The following CR1L variants were observed in gnomAD, a reference collection of about 807,000 sequenced individuals.
The protein encoded by CR1L is complement component receptor 1-like protein.
CR1L carries 59 observed loss-of-function variants against 62.3 expected under a neutral mutation model. That is an observed-to-expected ratio of 0.95 (90% CI 0.77 to 1.18). CR1L has a LOEUF of 1.18. CR1L is among the 50% of genes most tolerant of loss of function. The pLI is 0.00. For synonymous variants in CR1L, 279 were observed against 248.7 expected (o/e 1.12, Z -1.15); for missense variants, 700 against 702.8 (o/e 1.00, Z 0.04).
intron 8 of CR1L, among the ~76,000 whole-genome samples, chr1:207,699,728 G>A (rs557283047): frequency 6.6e-6 from 1 of 152,036 alleles, no homozygotes; most frequent in Non-Finnish European, 1.5e-5. Context: ...TATCAAACAT[G>A]CCTTTATTTA....
intron 11 of CR1L, among the ~76,000 whole-genome samples, chr1:207,723,095 T>C (rs1226268882): frequency 2.0e-5 from 3 of 152,218 alleles, no homozygotes; most frequent in Non-Finnish European, 4.4e-5. Flanking sequence ...TTCTGTATTA[T>C]AAGTTTTCTT....
intron 9 of CR1L, 83 bp downstream of exon 9, chr1:207,701,701 G>A (rs1305286745): frequency 6.4e-7 from 1 of 1,570,650 alleles, no homozygotes; most frequent in Admixed American, 1.7e-5. Context: ...AAGGAAACTA[G>A]GCTGTTGCCA....
chr1:207,717,199 T>A (rs1654018252), intron 10 of CR1L, among the ~76,000 whole-genome samples: 1 of 152,084 alleles, frequency 6.6e-6, no homozygotes, highest in Non-Finnish European at 1.5e-5. Flanking sequence ...TTAAAAAAAA[T>A]TACTTTCCAA....
In CR1L at chr1:207,669,500, T is replaced by C; in HGVS notation, c.98-7889T>C. 5 of 1,582,596 alleles carry C rather than the reference T, an allele frequency of 3.2e-6. No homozygotes were observed. In the South Asian group the frequency reaches 5.6e-5, roughly 18 times the overall value. On this transcript the variant is annotated intron_variant, in intron 1 of 11. Coordinates refer to ENST00000508064, the MANE Select transcript of CR1L (RefSeq NM_175710.2). ...CCTGTTGGGCAGCCGGCGCCCGGTC[T>C]CCCCTTCTGCTGCGGAGGATCCCTG...
chr1:207,662,015 G>T (rs181119662), intron 1 of CR1L, among the ~76,000 whole-genome samples: 1 of 152,192 alleles, frequency 6.6e-6, no homozygotes, highest in African/African-American at 2.4e-5. Context: ...TGAGAGATCC[G>T]CTGTTAGTCT....
intron 1 of CR1L, chr1:207,669,506 T>C: frequency 1.3e-6 from 2 of 1,582,666 alleles, no homozygotes; most frequent in South Asian, 2.2e-5. Flanking sequence ...GGTCTCCCCT[T>C]CTGCTGCGGA....
At chr1:207,710,585 C>T (rs1664340134) in intron 10 of CR1L, 1 of 1,610,192 alleles carries the variant, frequency 6.2e-7, no homozygotes, top group Admixed American at 1.7e-5. Context: ...CCCAGTCCCT[C>T]AGTGCATTAT....
intron 3 of CR1L, among the ~76,000 whole-genome samples, chr1:207,682,992 T>TTTCTTTCTTTCTTTCTTTCTTTCTTTC (rs1558017874): frequency 1.2e-5 from 1 of 84,836 alleles, no homozygotes; most frequent in African/African-American, 5.8e-5. Flanking sequence ...TTCTTTCTTT[T>TTTCTTTCTTTCTTTCTTTCTTTCTTTC]TTTCTTTCTT....
chr1:207,699,289 T>C lies in CR1L; in HGVS notation c.1228+15T>C, dbSNP rs765672897. The C allele has an allele frequency of 1.9e-6, 3 of 1,613,448 alleles. No homozygotes were observed. The highest frequency in any genetic ancestry group is 2.5e-6 in the Non-Finnish European group (3 of 1,179,432). ...AGTGTGTGAACGTAAGTAATAGGAG[T>C]AACATTTCAGGCCAATCTCTCCCCT... is the stretch of plus-strand genomic sequence containing the variant. On this transcript the variant is annotated intron_variant, in intron 8 of 11. Coordinates refer to ENST00000508064, the MANE Select transcript of CR1L (RefSeq NM_175710.2).
intron 1 of CR1L, among the ~76,000 whole-genome samples, chr1:207,657,584 G>C (rs181433070): frequency 8.6e-5 from 13 of 151,506 alleles, no homozygotes; most frequent in Non-Finnish European, 1.5e-5. Flanking sequence ...TTGTTTGAAA[G>C]ACCAAAAAAA....
chr1:207,654,870 C>T (rs957346088), intron 1 of CR1L, among the ~76,000 whole-genome samples: 1 of 152,172 alleles, frequency 6.6e-6, no homozygotes. Context: ...CTTGTCCTTA[C>T]TGAGCAAAGT....
intron 5 of CR1L, among the ~76,000 whole-genome samples, chr1:207,697,093 A>G (rs1166266858): frequency 4.6e-5 from 7 of 152,150 alleles, no homozygotes; most frequent in Non-Finnish European, 1.0e-4. Flanking sequence ...GGGCAGGGGC[A>G]CTCCTTTATG....
intron 1 of CR1L, 72 bp downstream of exon 1, chr1:207,645,402 G>A (rs1663104230): frequency 6.6e-7 from 1 of 1,516,988 alleles, no homozygotes; most frequent in East Asian, 2.3e-5. Flanking sequence ...GGCAGGAGGC[G>A]CGGGGCGAAG....
chr1:207,676,816 T>C (rs1213789407), intron 1 of CR1L, among the ~76,000 whole-genome samples: 1 of 152,054 alleles, frequency 6.6e-6, no homozygotes, highest in Non-Finnish European at 1.5e-5. Flanking sequence ...CACCATGCTC[T>C]GCTAATTTTT....
chr1:207,683,008 C>CTTTCTT (rs1358741580), intron 3 of CR1L, among the ~76,000 whole-genome samples: 1 of 122,708 alleles, frequency 8.1e-6, no homozygotes, highest in African/African-American at 3.2e-5. Flanking sequence ...TTCTTTCTTT[C>CTTTCTT]TTTTTCTTTC....
intron 3 of CR1L, 131 bp downstream of exon 3, chr1:207,678,428 T>A: frequency 1.2e-5 from 9 of 745,056 alleles, no homozygotes; most frequent in African/African-American, 1.8e-5. Flanking sequence ...TCAACACAGG[T>A]GCTTAGCTCC....
chr1:207,675,393 C>T lies in CR1L; in HGVS notation c.98-1996C>T, dbSNP rs575662643. Among the ~76,000 whole-genome samples the T allele has an allele frequency of 1.1e-4, 17 of 151,962 alleles. 1 individual carries two copies. Among genetic ancestry groups the T allele is most frequent in the South Asian group, 1.0e-3 (5 of 4,796 alleles). On this transcript the variant is annotated intron_variant, in intron 1 of 11. Coordinates refer to ENST00000508064, the MANE Select transcript of CR1L (RefSeq NM_175710.2). ...GCCATAGACAGGCCAGGGAAGGCTTCGATAAGAAGGTGGTATTTTAGCAAA... is the reference window on the plus strand; with the variant it reads ...GCCATAGACAGGCCAGGGAAGGCTTTGATAAGAAGGTGGTATTTTAGCAAA...
At chr1:207,651,146 C>T (rs1663217416) in intron 1 of CR1L, among the ~76,000 whole-genome samples, 1 of 152,026 alleles carries the variant, frequency 6.6e-6, no homozygotes, top group Non-Finnish European at 1.5e-5. Context: ...TCTGACTGCA[C>T]CTATCTTATG....
chr1:207,694,578 G>T lies in CR1L; in HGVS notation c.689G>T (p.Cys230Phe), dbSNP rs765740962. Reference sequence around the variant, plus strand: ...CCTCAGTGCATTATACCTAACAAATGCACGCCTCCAAATGTGGAAAATGGA... The same window carrying T: ...CCTCAGTGCATTATACCTAACAAATTCACGCCTCCAAATGTGGAAAATGGA... ...PAPQCIIPNK[C>F]TPPNVENGIL... Residue 230 changes from cysteine (C) to phenylalanine (F), a missense_variant, in exon 5 of 12, where the codon TGC becomes TTC. Cys to Phe is a radical substitution (Grantham distance 205, BLOSUM62 -2). Coordinates refer to ENST00000508064, the MANE Select transcript of CR1L (RefSeq NM_175710.2). 7.4e-6 allele frequency: 12 copies of T among 1,612,022 alleles called. No individual in the cohort carries two copies. The African/African-American group carries it at 1.6e-4, about 22-fold the overall frequency.
Sources: gnomAD v4.1 joint callset for allele counts (sites outside exome capture counted in the v4.1 genomes callset) on GRCh38, gnomAD v4.1.1 for gene constraint, MANE v1.5 for transcripts, NCBI Gene and HGNC (gene_info 2026-07-23, HGNC 2026-07-21) for gene names.